The following PLD1 variants were observed in gnomAD, a reference collection of about 807,000 sequenced individuals.
PLD1 encodes choline phosphatase 1.
In PLD1, 112 loss-of-function variants were observed where a neutral mutation model predicts 137.1. The observed-to-expected ratio is 0.82, with a 90% confidence interval of 0.70 to 0.96. PLD1 has a LOEUF of 0.96. Among genes scored for constraint, PLD1 ranks in the 40% least tolerant of loss-of-function variants. The pLI is 0.00. For synonymous variants in PLD1, 431 were observed against 454.7 expected (o/e 0.95, Z 0.66); for missense variants, 1,321 against 1,342.0 (o/e 0.98, Z 0.24).
At chr3:171,671,572 T>A (rs1439986045) in intron 19 of PLD1, among the ~76,000 whole-genome samples, 1 of 152,192 alleles carries the variant, frequency 6.6e-6, no homozygotes, top group Non-Finnish European at 1.5e-5. Flanking sequence ...ATCTCTCTAG[T>A]CTAATAAGTT....
At chr3:171,706,678 T>C (rs964930243) in intron 11 of PLD1, among the ~76,000 whole-genome samples, 1 of 152,226 alleles carries the variant, frequency 6.6e-6, no homozygotes, top group African/African-American at 2.4e-5. Flanking sequence ...GATCTACGCA[T>C]ACTAGTGTTT....
At chr3:171,617,126 T>A (rs1162977812) in intron 24 of PLD1, among the ~76,000 whole-genome samples, 1 of 152,126 alleles carries the variant, frequency 6.6e-6, no homozygotes, top group Non-Finnish European at 1.5e-5. Context: ...ACCAACTAGA[T>A]CATAATTTCT....
chr3:171,778,892 A>G (rs539488597), intron 1 of PLD1, among the ~76,000 whole-genome samples: 1 of 152,228 alleles, frequency 6.6e-6, no homozygotes, highest in Non-Finnish European at 1.5e-5. Context: ...CAAGTTGGGT[A>G]GGTAAAGAAA....
rs186277671 is a variant in PLD1, at chr3:171,601,059, T to C, written c.*2019A>G. ...AGAGGTATCTTGCCTGAATTCTGTTTACTGCATATCCTCATTCTTGGGCAA... is the reference window on the plus strand; with the variant it reads ...AGAGGTATCTTGCCTGAATTCTGTTCACTGCATATCCTCATTCTTGGGCAA... On this transcript the variant is annotated 3_prime_UTR_variant, in exon 27 of 27. Transcript: ENST00000351298. 1.8e-4 allele frequency: 28 copies of C among 152,314 alleles called. No individual in the cohort carries two copies. The highest frequency in any genetic ancestry group is 6.7e-4 in the African/African-American group (28 of 41,578). 9.4% of individuals were successfully genotyped at this position (152,314 alleles called of 1,614,324 possible). A position where few individuals can be genotyped will look rare whatever the true frequency, so the allele number is the denominator to read the frequency against.
At chr3:171,720,446 A>C (rs1443784247) in intron 8 of PLD1, among the ~76,000 whole-genome samples, 1 of 151,998 alleles carries the variant, frequency 6.6e-6, no homozygotes, top group Non-Finnish European at 1.5e-5. Flanking sequence ...GCCGGGCGTC[A>C]TGCCGGGCGC....
intron 16 of PLD1, among the ~76,000 whole-genome samples, chr3:171,679,672 A>C (rs1461594053): frequency 2.0e-5 from 3 of 152,244 alleles, no homozygotes; most frequent in Non-Finnish European, 4.4e-5. Flanking sequence ...AAATAAAGGA[A>C]ATTCTTAGTC....
At chr3:171,643,000 T>C (rs1735897298) in intron 22 of PLD1, 111 bp from the exon 23 acceptor site, 2 of 677,262 alleles carry the variant, frequency 3.0e-6, no homozygotes, top group Admixed American at 2.9e-5. Flanking sequence ...AGTGCTTCTA[T>C]GAGAAGATGC....
rs564591113 is a variant in PLD1 at position 171,747,827 on chromosome 3, C to T, written c.-31-9745G>A. Among the ~76,000 whole-genome samples, 14 of 152,290 alleles carry T rather than the reference C, an allele frequency of 9.2e-5. No homozygotes were observed. In the East Asian group the frequency reaches 2.7e-3, roughly 29 times the overall value. On this transcript the variant is annotated intron_variant, in intron 1 of 26. Coordinates refer to ENST00000351298, the MANE Select transcript of PLD1 (RefSeq NM_002662.5). Reference sequence around the variant, plus strand: ...ACTGAAGGCACAGACAGGTAAGTGACTGTAAGGGTCACCCAACAATCTGAT... The same window carrying T: ...ACTGAAGGCACAGACAGGTAAGTGATTGTAAGGGTCACCCAACAATCTGAT...
At chr3:171,690,059 C>T (rs1277601325) in intron 13 of PLD1, among the ~76,000 whole-genome samples, 3 of 152,138 alleles carry the variant, frequency 2.0e-5, no homozygotes, top group African/African-American at 2.4e-5. Flanking sequence ...ATCTCCTTAC[C>T]AGTTAAAGGT....
chr3:171,677,710 G>A lies in PLD1; in HGVS notation c.1868-16C>T. The stretch of plus-strand genomic sequence containing the variant: ...GACCCGGTATCTGTGAATGCAGCAA[G>A]ACCCCCTCAGAGACTGTGGTTCAGG... On this transcript the variant is annotated splice_polypyrimidine_tract_variant and intron_variant, in intron 16 of 26. Coordinates refer to ENST00000351298, the MANE Select transcript of PLD1 (RefSeq NM_002662.5). 6.2e-7 allele frequency: 1 copy of A among 1,612,626 alleles called. No homozygotes were observed.
chr3:171,645,994 A>T (rs980706627), intron 21 of PLD1, among the ~76,000 whole-genome samples: 4 of 152,184 alleles, frequency 2.6e-5, no homozygotes, highest in Non-Finnish European at 4.4e-5. Flanking sequence ...GATTAATGAC[A>T]ACCTTTGAAA....
chr3:171,689,876 C>T (rs1247106218), intron 13 of PLD1, among the ~76,000 whole-genome samples: 1 of 152,122 alleles, frequency 6.6e-6, no homozygotes, highest in Non-Finnish European at 1.5e-5. Flanking sequence ...CCATCTTAAC[C>T]ATTTTTAAGT....
chr3:171,734,168 A>T (rs932108897), intron 5 of PLD1, among the ~76,000 whole-genome samples: 40 of 152,260 alleles, frequency 2.6e-4, no homozygotes, highest in African/African-American at 9.6e-4. Flanking sequence ...ATGTCTAGGT[A>T]TCTTGGAAAA....
intron 11 of PLD1, among the ~76,000 whole-genome samples, chr3:171,701,479 G>A (rs1716232546): frequency 2.0e-5 from 3 of 152,148 alleles, no homozygotes; most frequent in South Asian, 2.1e-4. Context: ...CGGTATGGGG[G>A]AGACTTTTAA....
chr3:171,744,149 A>G (rs1719971555), intron 1 of PLD1, among the ~76,000 whole-genome samples: 1 of 152,182 alleles, frequency 6.6e-6, no homozygotes, highest in Admixed American at 6.5e-5. Context: ...CTTTTCATGC[A>G]TCATGTCAAA....
Position 171,642,851 on chromosome 3 carries a change from A to C in PLD1, c.2582T>G (p.Leu861Ter). ...AAGCAGTTACTTACGCTCTGCTTTTAACTGTCCAAGGATGGAATTTTCTCC... is the reference window on the plus strand; with the variant it reads ...AAGCAGTTACTTACGCTCTGCTTTTCACTGTCCAAGGATGGAATTTTCTCC... ...CRGENSILGQ[L>*]KAELGNQWIN... The change falls in exon 23 of 27, where the codon TTA becomes TGA. Residue 861 changes from leucine to a stop codon, truncating the protein, a stop_gained. Coordinates refer to ENST00000351298, the MANE Select transcript of PLD1 (RefSeq NM_002662.5). LOFTEE classifies it high-confidence loss of function. 3 of 1,583,880 alleles carry C rather than the reference A, an allele frequency of 1.9e-6. No homozygotes were observed. The highest frequency in any genetic ancestry group is 1.8e-5 in the Admixed American group (1 of 56,842).
intron 11 of PLD1, among the ~76,000 whole-genome samples, chr3:171,704,975 G>A (rs1015967229): frequency 2.6e-5 from 4 of 152,146 alleles, no homozygotes; most frequent in East Asian, 1.9e-4. Context: ...ATGTTCCCAC[G>A]AGAATCTAAT....
chr3:171,795,496 G>C (rs370915686), intron 1 of PLD1, among the ~76,000 whole-genome samples: 1 of 152,098 alleles, frequency 6.6e-6, no homozygotes, highest in Non-Finnish European at 1.5e-5. Context: ...ACTGTCTCTG[G>C]TCTTTCACCC....
At chr3:171,759,378 A>G (rs985831278) in intron 1 of PLD1, among the ~76,000 whole-genome samples, 1 of 152,240 alleles carries the variant, frequency 6.6e-6, no homozygotes, top group Non-Finnish European at 1.5e-5. Context: ...ATTACTGAAG[A>G]TACTAATTTT....
Sources: allele counts gnomAD v4.1 joint callset (sites outside exome capture counted in the v4.1 genomes callset), GRCh38; gene constraint gnomAD v4.1.1; transcripts MANE v1.5; gene names NCBI Gene and HGNC (gene_info 2026-07-23, HGNC 2026-07-21).